The following ACTR3C variants were observed in gnomAD, a reference collection of about 807,000 sequenced individuals.
ACTR3C encodes actin-related protein 3C.
A neutral mutation model predicts 26.3 loss-of-function variants in ACTR3C; 18 were observed. The ratio of observed to expected loss-of-function variants is 0.68; its 90% confidence interval spans 0.47 to 1.01. ACTR3C has a LOEUF of 1.01. Ranked by LOEUF, ACTR3C falls within the 50% of genes least tolerant of loss-of-function variation. ACTR3C has a pLI of 0.00. For missense variants in ACTR3C, 184 were observed against 250.7 expected (o/e 0.73, Z 1.80); for synonymous variants, 55 against 94.5 (o/e 0.58, Z 2.42).
intron 1 of ACTR3C, among the ~76,000 whole-genome samples, chr7:150,306,268 T>C (rs934171041): frequency 6.6e-6 from 1 of 151,856 alleles, no homozygotes; most frequent in African/African-American, 2.4e-5. Flanking sequence ...TCCCCTTTAA[T>C]AAAAATTCCT....
chr7:150,199,738 A>AC, the ACTR3C span, among the ~76,000 whole-genome samples: 12 of 141,668 alleles, frequency 8.5e-5, no homozygotes, highest in Admixed American at 3.5e-4. Flanking sequence ...AAAAAAAAAA[A>AC]AAAAAAAAAC....
At chr7:150,191,191 G>T in the ACTR3C span, among the ~76,000 whole-genome samples, 1 of 152,070 alleles carries the variant, frequency 6.6e-6, no homozygotes, top group African/African-American at 2.4e-5. Flanking sequence ...CAATTTTGTG[G>T]GTAGCTATTT....
At chr7:150,001,731 C>T in the ACTR3C span, 1 of 151,582 alleles carries the variant, frequency 6.6e-6, no homozygotes, top group Non-Finnish European at 1.5e-5. Flanking sequence ...CAACAGACAG[C>T]AACCCAGCCT....
At chr7:150,126,806 G>A in the ACTR3C span, among the ~76,000 whole-genome samples, 2 of 152,108 alleles carry the variant, frequency 1.3e-5, no homozygotes, top group Non-Finnish European at 2.9e-5. Context: ...CCTTGTCTGT[G>A]GTATGTTCAC....
At chr7:150,035,848 C>CT in the ACTR3C span, among the ~76,000 whole-genome samples, 11 of 131,076 alleles carry the variant, frequency 8.4e-5, 1 homozygote, top group Non-Finnish European at 1.7e-4. Context: ...GCCTCTCCCC[C>CT]CCTGCGATGG....
intron 2 of ACTR3C, among the ~76,000 whole-genome samples, chr7:150,294,851 A>T (rs1349092413): frequency 6.6e-6 from 1 of 151,584 alleles, no homozygotes; most frequent in Admixed American, 6.6e-5. Context: ...TCATGAAAAC[A>T]CAGGGTCCCT....
the ACTR3C span, among the ~76,000 whole-genome samples, chr7:150,235,222 T>C: frequency 1.3e-5 from 2 of 152,228 alleles, no homozygotes; most frequent in African/African-American, 4.8e-5. Context: ...CTTACAGATA[T>C]GATTGTATTC....
chr7:150,065,623 T>A, the ACTR3C span, among the ~76,000 whole-genome samples: 1 of 152,012 alleles, frequency 6.6e-6, no homozygotes, highest in African/African-American at 2.4e-5. Context: ...AAGAGGTTGC[T>A]GGGTTCAGGT....
the ACTR3C span, among the ~76,000 whole-genome samples, chr7:150,192,476 A>T: frequency 3.3e-5 from 5 of 151,918 alleles, no homozygotes; most frequent in South Asian, 2.1e-4. Flanking sequence ...TAACTTAAAA[A>T]TTTTTCATAG....
chr7:150,040,599 T>C, the ACTR3C span: 1 of 147,516 alleles, frequency 6.8e-6, no homozygotes, highest in Non-Finnish European at 1.5e-5. Context: ...TAACCTGCTT[T>C]CTTTCTGTTC....
the ACTR3C span, among the ~76,000 whole-genome samples, chr7:149,951,107 G>C: frequency 1.7e-5 from 1 of 58,224 alleles, no homozygotes; most frequent in Non-Finnish European, 3.1e-5. Context: ...GACCCTTGCA[G>C]TTCAGGCCCA....
chr7:150,308,245 C>G (rs558775997), intron 1 of ACTR3C, among the ~76,000 whole-genome samples: 1 of 152,094 alleles, frequency 6.6e-6, no homozygotes, highest in African/African-American at 2.4e-5. Context: ...TATGGGCAAC[C>G]TTCCACCCTC....
At chr7:150,318,605 T>A (rs973767883) in intron 1 of ACTR3C, among the ~76,000 whole-genome samples, 31 of 151,902 alleles carry the variant, frequency 2.0e-4, no homozygotes, top group African/African-American at 5.3e-4. Context: ...GTACTAAAAA[T>A]ACAAAAATTA....
chr7:149,931,597 C>T, the ACTR3C span, among the ~76,000 whole-genome samples: 4 of 152,274 alleles, frequency 2.6e-5, no homozygotes, highest in East Asian at 7.7e-4. Flanking sequence ...TGGAGCACCT[C>T]TGATTGACAA....
the ACTR3C span, among the ~76,000 whole-genome samples, chr7:150,051,146 G>A: frequency 1.3e-4 from 20 of 148,734 alleles, no homozygotes; most frequent in Non-Finnish European, 1.5e-4. Context: ...GTGTGTATGT[G>A]CATGCACGTT....
chr7:149,948,280 G>T, the ACTR3C span, among the ~76,000 whole-genome samples: 7 of 91,884 alleles, frequency 7.6e-5, no homozygotes, highest in East Asian at 7.4e-4. Flanking sequence ...GAGCATCACA[G>T]GTGACAGACG....
the ACTR3C span, among the ~76,000 whole-genome samples, chr7:149,943,975 T>C: frequency 7.0e-6 from 1 of 142,256 alleles, no homozygotes; most frequent in Non-Finnish European, 1.5e-5. Context: ...AGGTAAAGAA[T>C]GCTTGTAATT....
At chr7:150,037,124 G>A in the ACTR3C span, among the ~76,000 whole-genome samples, 2 of 94,996 alleles carry the variant, frequency 2.1e-5, no homozygotes, top group South Asian at 3.6e-4. Context: ...AAGAGGGACT[G>A]GCTCTCAGTC....
chr7:150,048,196 C>A, the ACTR3C span, among the ~76,000 whole-genome samples: 1 of 152,222 alleles, frequency 6.6e-6, no homozygotes, highest in African/African-American at 2.4e-5. Context: ...AGAAAAAAAA[C>A]CAAAAACATA....
Sources: allele counts gnomAD v4.1 joint callset (sites outside exome capture counted in the v4.1 genomes callset), GRCh38; gene constraint gnomAD v4.1.1; transcripts MANE v1.5; gene names NCBI Gene and HGNC (gene_info 2026-07-23, HGNC 2026-07-21).